LOC128706665: variants seen among roughly 807,000 people sequenced by gnomAD.
chr20:10,428,312 C>A, the LOC128706665 span, among the ~76,000 whole-genome samples: 1 of 152,120 alleles, frequency 6.6e-6, no homozygotes. Flanking sequence ...CCAGATTGTT[C>A]CAGATCAGAT....
chr20:10,426,411 C>A, the LOC128706665 span, among the ~76,000 whole-genome samples: 1 of 112,384 alleles, frequency 8.9e-6, no homozygotes, highest in Non-Finnish European at 1.8e-5. Context: ...GCATGTTGTT[C>A]TTTTTTCTTT....
chr20:10,421,894 T>C, the LOC128706665 span, among the ~76,000 whole-genome samples: 3 of 152,058 alleles, frequency 2.0e-5, no homozygotes, highest in Non-Finnish European at 4.4e-5. Flanking sequence ...AAAGACTCCT[T>C]ATACTCTTAA....
At chr20:10,417,830 G>A in the LOC128706665 span, among the ~76,000 whole-genome samples, 1,249 of 152,174 alleles carry the variant, frequency 8.2e-3, 18 homozygotes, top group African/African-American at 0.029. Context: ...ATATAATTAC[G>A]AGATTACAGG....
the LOC128706665 span, among the ~76,000 whole-genome samples, chr20:10,421,777 A>G: frequency 6.7e-6 from 1 of 150,352 alleles, no homozygotes; most frequent in Non-Finnish European, 1.5e-5. Flanking sequence ...TAGCTTTTAA[A>G]ATATATATAT....
the LOC128706665 span, chr20:10,413,832 A>G: frequency 2.1e-6 from 1 of 468,550 alleles, no homozygotes; most frequent in Non-Finnish European, 3.8e-6. Flanking sequence ...GACACCTATG[A>G]AAGATATCCC....
At chr20:10,429,315 T>C in the LOC128706665 span, among the ~76,000 whole-genome samples, 7 of 152,198 alleles carry the variant, frequency 4.6e-5, no homozygotes, top group African/African-American at 1.7e-4. Context: ...TAGTCTCCTT[T>C]AATAGCCTGC....
the LOC128706665 span, among the ~76,000 whole-genome samples, chr20:10,414,128 A>G: frequency 6.6e-6 from 1 of 152,204 alleles, no homozygotes; most frequent in African/African-American, 2.4e-5. Context: ...CCCCTCTACA[A>G]GAAAAAGTGC....
chr20:10,431,372 C>T, the LOC128706665 span, among the ~76,000 whole-genome samples: 779 of 152,202 alleles, frequency 5.1e-3, 4 homozygotes, highest in Non-Finnish European at 8.2e-3. Context: ...TCCAAATGCT[C>T]ACTTAGTGTC....
chr20:10,425,311 T>A, the LOC128706665 span, among the ~76,000 whole-genome samples: 5 of 152,180 alleles, frequency 3.3e-5, no homozygotes, highest in Admixed American at 2.0e-4. Context: ...ATTTGACCAA[T>A]CTGTGATTGA....
chr20:10,427,919 C>T, the LOC128706665 span, among the ~76,000 whole-genome samples: 5 of 152,224 alleles, frequency 3.3e-5, no homozygotes, highest in Admixed American at 6.5e-5. Flanking sequence ...AAGAGCTGGG[C>T]TGCTAACAGC....
chr20:10,425,751 G>A, the LOC128706665 span, among the ~76,000 whole-genome samples: 1 of 152,188 alleles, frequency 6.6e-6, no homozygotes, highest in African/African-American at 2.4e-5. Flanking sequence ...AGTGTTTGAT[G>A]CTCATTTATT....
chr20:10,427,283 TG>T, the LOC128706665 span, among the ~76,000 whole-genome samples: 4 of 152,240 alleles, frequency 2.6e-5, no homozygotes, highest in South Asian at 8.3e-4. Context: ...TTGGGCTTGC[TG>T]GGCGCCATCT....
the LOC128706665 span, among the ~76,000 whole-genome samples, chr20:10,429,469 T>C: frequency 6.6e-6 from 1 of 152,338 alleles, no homozygotes; most frequent in East Asian, 1.9e-4. Context: ...TAGACCCACA[T>C]AATAAACTGC....
the LOC128706665 span, among the ~76,000 whole-genome samples, chr20:10,426,557 G>A: frequency 6.6e-6 from 1 of 152,144 alleles, no homozygotes; most frequent in South Asian, 2.1e-4. Flanking sequence ...ACGCCACCAT[G>A]CCCGACTAAT....
chr20:10,429,494 GAACT>G, the LOC128706665 span, among the ~76,000 whole-genome samples: 5 of 152,094 alleles, frequency 3.3e-5, no homozygotes, highest in South Asian at 2.1e-4. Flanking sequence ...GTACACCTTT[GAACT>G]AACCGTCCCC....
chr20:10,422,892 T>G, the LOC128706665 span, among the ~76,000 whole-genome samples: 1 of 151,936 alleles, frequency 6.6e-6, no homozygotes, highest in African/African-American at 2.4e-5. Flanking sequence ...TTTGTATTTT[T>G]AGTAGAGACA....
the LOC128706665 span, among the ~76,000 whole-genome samples, chr20:10,427,035 C>CACACAG: frequency 8.2e-3 from 466 of 56,494 alleles, 6 homozygotes; most frequent in Middle Eastern, 0.027. Context: ...CACTGACACA[C>CACACAG]ACACACACAC....
At chr20:10,421,007 C>A in the LOC128706665 span, among the ~76,000 whole-genome samples, 1 of 152,210 alleles carries the variant, frequency 6.6e-6, no homozygotes, top group Non-Finnish European at 1.5e-5. Flanking sequence ...TGCAAAGGAG[C>A]AACATTACCT....
the LOC128706665 span, among the ~76,000 whole-genome samples, chr20:10,425,081 T>G: frequency 1.2e-3 from 178 of 150,906 alleles, no homozygotes; most frequent in African/African-American, 4.1e-3. Context: ...GAAAGAAAAT[T>G]AGCATTACTG....
Sources: allele counts gnomAD v4.1 joint callset (sites outside exome capture counted in the v4.1 genomes callset), GRCh38; gene constraint gnomAD v4.1.1; transcripts MANE v1.5.